Variants in THSD7B observed in about 807,000 individuals in gnomAD.
THSD7B encodes thrombospondin type 1 domain containing 7B, also known as thrombospondin type-1 domain-containing protein 7B.
In THSD7B, 138 loss-of-function variants were observed where a neutral mutation model predicts 213.6. The ratio of observed to expected loss-of-function variants is 0.65; its 90% CI spans 0.56 to 0.74. THSD7B has a LOEUF of 0.74. Ranked by LOEUF, THSD7B falls within the 30% of genes least tolerant of loss-of-function variation. THSD7B has a pLI of 0.00. For missense variants in THSD7B, 1,931 were observed against 1,991.5 expected (o/e 0.97, Z 0.58); for synonymous variants, 742 against 687.0 (o/e 1.08, Z -1.25).
chr2:136,802,806 T>C (rs2104923436), intron 1 of THSD7B, among the ~76,000 whole-genome samples: 1 of 151,166 alleles, frequency 6.6e-6, no homozygotes, highest in Admixed American at 6.6e-5. Context: ...CAGAATGGTT[T>C]AGAAATGTGA....
chr2:137,662,825 T>C (rs138148646), intron 25 of THSD7B, among the ~76,000 whole-genome samples: 3,836 of 151,794 alleles, frequency 0.025, 137 homozygotes, highest in African/African-American at 0.086. Flanking sequence ...GAAGCCGAGG[T>C]GGGAAGATTA....
At chr2:137,429,040 G>A (rs1312489437) in intron 14 of THSD7B, among the ~76,000 whole-genome samples, 1 of 152,176 alleles carries the variant, frequency 6.6e-6, no homozygotes, top group Non-Finnish European at 1.5e-5. Flanking sequence ...CCAGTCTCCA[G>A]AACTGTTAGA....
intron 12 of THSD7B, among the ~76,000 whole-genome samples, chr2:137,351,320 C>T (rs955183121): frequency 1.4e-4 from 22 of 151,832 alleles, no homozygotes; most frequent in Non-Finnish European, 2.5e-4. Flanking sequence ...AAAAGTAATA[C>T]GTTTAATATA....
At chr2:137,330,150 G>A (rs1684468177) in intron 12 of THSD7B, among the ~76,000 whole-genome samples, 1 of 152,198 alleles carries the variant, frequency 6.6e-6, no homozygotes, top group Non-Finnish European at 1.5e-5. Flanking sequence ...AGGCTGTGTG[G>A]AAATGCCTAG....
At chr2:136,938,617 ATAATG>A (rs1372063256) in intron 2 of THSD7B, among the ~76,000 whole-genome samples, 1 of 152,186 alleles carries the variant, frequency 6.6e-6, no homozygotes, top group African/African-American at 2.4e-5. Flanking sequence ...GGAGCCAATG[ATAATG>A]TAATGTTCTC....
chr2:137,501,992 G>A (rs80225180), intron 15 of THSD7B, among the ~76,000 whole-genome samples: 2,305 of 152,254 alleles, frequency 0.015, 62 homozygotes, highest in African/African-American at 0.051. Context: ...TGATCAATGC[G>A]CAAGCTAAAG....
At chr2:137,187,621 C>T (rs1354957647) in intron 7 of THSD7B, among the ~76,000 whole-genome samples, 2 of 152,008 alleles carry the variant, frequency 1.3e-5, no homozygotes, top group East Asian at 1.9e-4. Context: ...TTTGGGAAGC[C>T]TGAAATGAAT....
intron 12 of THSD7B, among the ~76,000 whole-genome samples, chr2:137,310,064 T>A (rs531493216): frequency 5.6e-4 from 85 of 151,086 alleles, no homozygotes; most frequent in African/African-American, 2.0e-3. Context: ...TAGTTCTAGA[T>A]CCCTGAGGAA....
At chr2:137,183,944 A>G (rs949461085) in intron 7 of THSD7B, among the ~76,000 whole-genome samples, 12 of 152,286 alleles carry the variant, frequency 7.9e-5, no homozygotes, top group South Asian at 2.1e-4. Flanking sequence ...GGTTTTGATT[A>G]AAGATAATGG....
rs374736476 is a variant in THSD7B at position 137,416,659 on chromosome 2, T to C, written c.2959+4787T>C. Among the ~76,000 whole-genome samples, 50 of 152,338 alleles carry C rather than the reference T, an allele frequency of 3.3e-4. No individual in the cohort carries two copies. The East Asian group carries it at 5.8e-3, about 18-fold the overall frequency. On this transcript the variant is annotated intron_variant, in intron 14 of 27. Transcript: ENST00000409968. ...GTTTAGATAAGAGTCAACACACATA[T>C]GCCCATATACAGGTTCTGAAGTGTG...
intron 7 of THSD7B, among the ~76,000 whole-genome samples, chr2:137,220,349 C>G (rs971861985): frequency 1.3e-5 from 2 of 151,820 alleles, no homozygotes; most frequent in African/African-American, 4.8e-5. Flanking sequence ...AAAAAAAATC[C>G]CAATTAAAAT....
At chr2:137,119,815 G>T (rs114838507) in intron 5 of THSD7B, among the ~76,000 whole-genome samples, 2 of 152,104 alleles carry the variant, frequency 1.3e-5, no homozygotes, top group African/African-American at 4.8e-5. Flanking sequence ...TATCCTATGT[G>T]TAAATGTATC....
chr2:137,446,552 T>A (rs773509043), intron 14 of THSD7B, among the ~76,000 whole-genome samples: 3 of 152,062 alleles, frequency 2.0e-5, no homozygotes, highest in Non-Finnish European at 4.4e-5. Context: ...ATCTACTATG[T>A]ATAATGAATA....
rs1031953482 is a variant in THSD7B at position 137,278,931 on chromosome 2, T to C, written c.2500+2905T>C. On this transcript the variant is annotated intron_variant, in intron 12 of 27. Coordinates refer to ENST00000409968, the MANE Select transcript of THSD7B (RefSeq NM_001316349.2). ...TTTCAGCTTACCTATAAAGAATATA[T>C]TGTCATAAAGGCAAAAGCATTAAGT... Among the ~76,000 whole-genome samples the C allele has an allele frequency of 7.2e-5, 11 of 152,220 alleles. No homozygotes were observed. The East Asian group carries it at 1.7e-3, about 24-fold the overall frequency.
At chr2:136,856,237 G>T (rs1003898399) in intron 1 of THSD7B, among the ~76,000 whole-genome samples, 1 of 152,160 alleles carries the variant, frequency 6.6e-6, no homozygotes, top group Non-Finnish European at 1.5e-5. Flanking sequence ...TAGCAAGAGG[G>T]AATCAGATAA....
At chr2:136,892,298 C>T (rs1479693713) in intron 2 of THSD7B, among the ~76,000 whole-genome samples, 1 of 152,070 alleles carries the variant, frequency 6.6e-6, no homozygotes, top group Non-Finnish European at 1.5e-5. Flanking sequence ...TTTAAAGCTG[C>T]CATGACCCAT....
chr2:137,099,033 C>T (rs1171795896), intron 4 of THSD7B, among the ~76,000 whole-genome samples: 1 of 152,132 alleles, frequency 6.6e-6, no homozygotes, highest in African/African-American at 2.4e-5. Context: ...CCCAGGAAAC[C>T]TCTTCCTTCA....
intron 1 of THSD7B, among the ~76,000 whole-genome samples, chr2:136,877,202 C>T (rs1050316269): frequency 2.0e-5 from 3 of 152,164 alleles, no homozygotes; most frequent in African/African-American, 7.2e-5. Context: ...AGGGGGACTA[C>T]CTTTTTCAGC....
chr2:137,247,587 T>A (rs1682068090), intron 10 of THSD7B, among the ~76,000 whole-genome samples: 1 of 152,178 alleles, frequency 6.6e-6, no homozygotes, highest in Non-Finnish European at 1.5e-5. Context: ...CTCAAATAAT[T>A]GGAGGCTGAA....
Sources: allele counts gnomAD v4.1 joint callset (sites outside exome capture counted in the v4.1 genomes callset), GRCh38; gene constraint gnomAD v4.1.1; transcripts MANE v1.5; gene names NCBI Gene and HGNC (gene_info 2026-07-23, HGNC 2026-07-21).